Variants in ATF7IP2 observed in about 807,000 individuals in gnomAD.
The protein encoded by ATF7IP2 is activating transcription factor 7 interacting protein 2.
Under a neutral mutation model 64.2 loss-of-function variants are expected in ATF7IP2, and 42 were observed. That is an observed-to-expected ratio of 0.65 (90% CI 0.51 to 0.85). ATF7IP2 has a LOEUF of 0.85. Among genes scored for constraint, ATF7IP2 ranks in the 40% least tolerant of loss-of-function variants. The pLI, the probability that ATF7IP2 is intolerant of heterozygous loss-of-function variation, is 0.00. For synonymous variants in ATF7IP2, 308 were observed against 272.8 expected, an observed-to-expected ratio of 1.13 and a Z score of -1.27; for missense variants, 933 against 784.2, an observed-to-expected ratio of 1.19 and a Z score of -2.27.
At chr16:10,441,906 C>A (rs1392969129) in intron 8 of ATF7IP2, among the ~76,000 whole-genome samples, 1 of 152,152 alleles carries the variant, frequency 6.6e-6, no homozygotes, top group Non-Finnish European at 1.5e-5. Context: ...AAAGATTTCT[C>A]AACAAGGCAA....
chr16:10,425,680 G>T (rs547404635), intron 3 of ATF7IP2, among the ~76,000 whole-genome samples: 1 of 152,214 alleles, frequency 6.6e-6, no homozygotes, highest in Admixed American at 6.5e-5. Flanking sequence ...CATCACCTGA[G>T]GTTGGGAGTT....
At chr16:10,456,145 A>C (rs1011457383) in intron 8 of ATF7IP2, among the ~76,000 whole-genome samples, 2 of 152,024 alleles carry the variant, frequency 1.3e-5, no homozygotes, top group African/African-American at 4.8e-5. Context: ...TTTCTAAGCA[A>C]AGTGTTGAAG....
At chr16:10,480,094 T>G (rs2050166274) in intron 12 of ATF7IP2, among the ~76,000 whole-genome samples, 1 of 149,748 alleles carries the variant, frequency 6.7e-6, no homozygotes, top group African/African-American at 2.5e-5. Flanking sequence ...GTTTAAGCAA[T>G]TCTCTGTCTC....
chr16:10,445,263 C>T (rs1162588930), intron 8 of ATF7IP2: 2 of 152,236 alleles, frequency 1.3e-5, no homozygotes, highest in East Asian at 1.9e-4. Flanking sequence ...ACCCATTTCC[C>T]TTCTGAGTTT....
At chr16:10,472,023 G>C (rs2049818880) in intron 9 of ATF7IP2, 87 bp from the exon 10 acceptor site, 2 of 564,798 alleles carry the variant, frequency 3.5e-6, no homozygotes, top group Admixed American at 6.3e-5. Context: ...GAAATGTTAA[G>C]TTAGAGGACT....
chr16:10,418,989 C>T (rs1358495402), intron 2 of ATF7IP2, among the ~76,000 whole-genome samples: 1 of 152,208 alleles, frequency 6.6e-6, no homozygotes, highest in Non-Finnish European at 1.5e-5. Context: ...CTAAACATCC[C>T]CTTAGGGGAC....
chr16:10,408,551 T>A (rs2047688762), intron 1 of ATF7IP2, among the ~76,000 whole-genome samples: 1 of 152,214 alleles, frequency 6.6e-6, no homozygotes, highest in Non-Finnish European at 1.5e-5. Flanking sequence ...AAGGTGGTAT[T>A]GCACTGTGGT....
chr16:10,426,095 C>A (rs1183659855), intron 3 of ATF7IP2, among the ~76,000 whole-genome samples: 1 of 152,086 alleles, frequency 6.6e-6, no homozygotes, highest in Non-Finnish European at 1.5e-5. Context: ...AAAATAAATT[C>A]TAGATGGATT....
intron 8 of ATF7IP2, among the ~76,000 whole-genome samples, chr16:10,443,953 G>A (rs943838846): frequency 3.3e-5 from 5 of 152,150 alleles, no homozygotes; most frequent in African/African-American, 1.2e-4. Flanking sequence ...CCTTGGTACT[G>A]AGTGGTCCAA....
chr16:10,429,768 T>TTTA (rs2048183481), intron 4 of ATF7IP2, among the ~76,000 whole-genome samples: 1 of 147,246 alleles, frequency 6.8e-6, no homozygotes, highest in East Asian at 1.9e-4. Flanking sequence ...ATTATTTTAT[T>TTTA]TTATTTTAAT....
At chr16:10,402,894 C>T (rs1349070420) in intron 1 of ATF7IP2, among the ~76,000 whole-genome samples, 12 of 122,892 alleles carry the variant, frequency 9.8e-5, no homozygotes, top group Admixed American at 2.6e-4. Flanking sequence ...AACGACACAG[C>T]GAGACCCTTT....
In ATF7IP2 at chr16:10,431,772, G is replaced by A. The variant is rs1823434226; in HGVS notation, c.835+317G>A. Among the ~76,000 whole-genome samples the A allele has an allele frequency of 2.6e-5, 4 of 151,650 alleles. No individual in the cohort carries two copies. The South Asian group carries it at 8.3e-4, about 32-fold the overall frequency. ...TTTGAAGTTTTATTAGATTAAGAAG[G>A]AGGCTAGTTGAAAGAGTGAGTTTTA... On this transcript the variant is annotated intron_variant, in intron 5 of 13. Transcript: ENST00000562102.
intron 1 of ATF7IP2, among the ~76,000 whole-genome samples, chr16:10,404,503 TC>T (rs1484652523): frequency 2.0e-5 from 3 of 152,140 alleles, no homozygotes; most frequent in African/African-American, 4.8e-5. Context: ...CACCTTGGCC[TC>T]CCAAAGTGCT....
intron 3 of ATF7IP2, among the ~76,000 whole-genome samples, 172 bp from the exon 4 acceptor site, chr16:10,428,696 T>G (rs1228151549): frequency 6.6e-6 from 1 of 152,190 alleles, no homozygotes; most frequent in African/African-American, 2.4e-5. Context: ...GTGCAAATTA[T>G]GGAACCAGAA....
intron 13 of ATF7IP2, among the ~76,000 whole-genome samples, chr16:10,481,541 A>G (rs2050229056): frequency 6.6e-6 from 1 of 152,190 alleles, no homozygotes; most frequent in African/African-American, 2.4e-5. Flanking sequence ...GCACCCAGCC[A>G]TGCTGACACT....
Position 10,438,135 on chromosome 16 carries a change from T to C in ATF7IP2, c.995T>C (p.Ile332Thr), listed in dbSNP as rs775313755. 1.4e-5 allele frequency: 22 copies of C among 1,593,632 alleles called. No individual in the cohort carries two copies. The East Asian group carries it at 3.5e-4, about 25-fold the overall frequency. The change falls in exon 7 of 14, where the codon ATA becomes ACA. Residue 332 changes from isoleucine (I) to threonine (T), a missense_variant. Transcript: ENST00000562102. ...RHLIQQEIYS[I>T]NYELFDKKLK... Reference sequence around the variant, plus strand: ...TTGATTCAGCAGGAGATCTATAGCATAAATTATGAACTATTTGATAAGAAA... The same window carrying C: ...TTGATTCAGCAGGAGATCTATAGCACAAATTATGAACTATTTGATAAGAAA...
chr16:10,472,068 G>T, intron 9 of ATF7IP2, 42 bp from the exon 10 acceptor site: 1 of 1,082,660 alleles, frequency 9.2e-7, no homozygotes, highest in Non-Finnish European at 1.4e-6. Flanking sequence ...GCCTGATAAT[G>T]CATGTTTAGT....
chr16:10,419,920 C>T (rs913991904), intron 3 of ATF7IP2, among the ~76,000 whole-genome samples: 4 of 152,360 alleles, frequency 2.6e-5, no homozygotes, highest in Non-Finnish European at 2.9e-5. Context: ...CAGCTGGTTT[C>T]TGTAGATGCT....
At chr16:10,423,422 G>A (rs557986377) in intron 3 of ATF7IP2, among the ~76,000 whole-genome samples, 26 of 152,268 alleles carry the variant, frequency 1.7e-4, no homozygotes, top group Non-Finnish European at 2.6e-4. Flanking sequence ...AGGCTCAAAC[G>A]TAGCTATGAT....
Sources: gnomAD v4.1 joint callset for allele counts (sites outside exome capture counted in the v4.1 genomes callset) on GRCh38, gnomAD v4.1.1 for gene constraint, MANE v1.5 for transcripts, NCBI Gene and HGNC (gene_info 2026-07-23, HGNC 2026-07-21) for gene names.